The following FAT3 variants were observed in gnomAD, a reference collection of about 807,000 sequenced individuals.
FAT3 encodes protocadherin Fat 3.
In FAT3, 95 loss-of-function variants were observed where a neutral mutation model predicts 310.2. That is an observed-to-expected ratio of 0.31 (90% CI 0.26 to 0.36). The LOEUF (loss-of-function observed/expected upper bound fraction) is 0.36, where lower values mean the gene tolerates loss of function less well. Ranked by LOEUF, FAT3 falls within the 10% of genes least tolerant of loss-of-function variation. The pLI is 1.00. For missense variants in FAT3, 5,408 were observed against 5,715.6 expected (o/e 0.95, Z 1.74); for synonymous variants, 2,314 against 2,192.9 (o/e 1.06, Z -1.54).
intron 3 of FAT3, among the ~76,000 whole-genome samples, chr11:92,530,495 A>G (rs1289874613): frequency 1.3e-5 from 2 of 152,110 alleles, no homozygotes; most frequent in Non-Finnish European, 2.9e-5. Flanking sequence ...ATCCTTACTT[A>G]TACTTTCTCT....
intron 2 of FAT3, among the ~76,000 whole-genome samples, chr11:92,455,408 C>T (rs577904983): frequency 1.8e-4 from 27 of 152,092 alleles, no homozygotes; most frequent in Non-Finnish European, 3.2e-4. Context: ...CACTATTGTG[C>T]GGTGTCGGCT....
chr11:92,834,720 G>A (rs1948354246), intron 14 of FAT3, 150 bp from the exon 15 acceptor site: 1 of 681,218 alleles, frequency 1.5e-6, no homozygotes, highest in African/African-American at 1.8e-5. Context: ...TCAGACGTCT[G>A]TAATACTTTC....
intron 3 of FAT3, among the ~76,000 whole-genome samples, chr11:92,596,241 C>G (rs564447190): frequency 6.6e-6 from 1 of 152,248 alleles, no homozygotes; most frequent in East Asian, 1.9e-4. Context: ...TCTGACTACC[C>G]AGTCCCACTT....
At chr11:92,634,185 A>G (rs1210931945) in intron 3 of FAT3, among the ~76,000 whole-genome samples, 5 of 152,198 alleles carry the variant, frequency 3.3e-5, no homozygotes, top group African/African-American at 1.2e-4. Flanking sequence ...AACACAACAG[A>G]CAGGAACTAA....
At chr11:92,242,788 C>G (rs1864719376) in intron 1 of FAT3, among the ~76,000 whole-genome samples, 1 of 151,980 alleles carries the variant, frequency 6.6e-6, no homozygotes, top group Non-Finnish European at 1.5e-5. Flanking sequence ...GCTGGCACAT[C>G]CTGATATAGG....
chr11:92,390,540 G>C (rs1433145719), intron 2 of FAT3, among the ~76,000 whole-genome samples: 1 of 152,128 alleles, frequency 6.6e-6, no homozygotes, highest in Non-Finnish European at 1.5e-5. Flanking sequence ...GCTGCTAATG[G>C]ATTGACCACT....
intron 3 of FAT3, among the ~76,000 whole-genome samples, chr11:92,593,403 C>T (rs1172437560): frequency 6.6e-6 from 1 of 150,712 alleles, no homozygotes; most frequent in East Asian, 1.9e-4. Context: ...TTTTACATTC[C>T]TATCTGCAGT....
intron 3 of FAT3, among the ~76,000 whole-genome samples, chr11:92,560,488 C>T (rs986046788): frequency 5.6e-5 from 7 of 125,300 alleles, no homozygotes; most frequent in African/African-American, 1.6e-4. Context: ...TTTGCTTTTG[C>T]GTCTAACAGC....
intron 2 of FAT3, among the ~76,000 whole-genome samples, chr11:92,386,579 T>TG (rs1425532433): frequency 6.6e-6 from 1 of 152,250 alleles, no homozygotes; most frequent in East Asian, 1.9e-4. Flanking sequence ...TATTATTGCC[T>TG]GACACATCAT....
intron 1 of FAT3, among the ~76,000 whole-genome samples, chr11:92,306,267 T>C (rs1947112459): frequency 6.6e-6 from 1 of 151,470 alleles, no homozygotes; most frequent in Non-Finnish European, 1.5e-5. Context: ...TCTAGGTGAC[T>C]ATCTCCTCCC....
At chr11:92,307,233 A>C (rs1041679198) in intron 1 of FAT3, among the ~76,000 whole-genome samples, 2 of 137,338 alleles carry the variant, frequency 1.5e-5, no homozygotes, top group African/African-American at 5.6e-5. Flanking sequence ...AGGCAGTTCC[A>C]TACAAGATAA....
intron 2 of FAT3, among the ~76,000 whole-genome samples, chr11:92,402,510 T>G (rs1358556086): frequency 6.6e-6 from 1 of 151,938 alleles, no homozygotes; most frequent in African/African-American, 2.4e-5. Context: ...CAGGCAGATC[T>G]TTTGATCTCA....
chr11:92,627,868 A>G (rs1053809907), intron 3 of FAT3, among the ~76,000 whole-genome samples: 3 of 152,198 alleles, frequency 2.0e-5, no homozygotes, highest in African/African-American at 7.2e-5. Flanking sequence ...AGGAAAAGGT[A>G]CAATATGAAC....
chr11:92,705,809 G>A (rs1392898255), intron 4 of FAT3, among the ~76,000 whole-genome samples: 1 of 86,750 alleles, frequency 1.2e-5, no homozygotes, highest in Non-Finnish European at 2.5e-5. Flanking sequence ...GTTGGTGTTG[G>A]TGGTGGTGTG....
intron 19 of FAT3, among the ~76,000 whole-genome samples, chr11:92,852,934 G>A (rs1442286074): frequency 6.6e-6 from 1 of 152,236 alleles, no homozygotes; most frequent in Non-Finnish European, 1.5e-5. Flanking sequence ...GGGTAAGAAA[G>A]TGAGGAACCC....
chr11:92,513,983 T>C (rs1591387220), intron 2 of FAT3, among the ~76,000 whole-genome samples: 2 of 152,286 alleles, frequency 1.3e-5, no homozygotes, highest in East Asian at 1.9e-4. Context: ...GGCTAGAAAG[T>C]AGATAAGGTA....
At chr11:92,640,396 A>G (rs1048689996) in intron 3 of FAT3, among the ~76,000 whole-genome samples, 58 of 152,284 alleles carry the variant, frequency 3.8e-4, no homozygotes, top group African/African-American at 1.4e-3. Context: ...GAGGAACTCT[A>G]TGGATTTGTT....
chr11:92,829,523 A>C (rs1053757946), intron 13 of FAT3, among the ~76,000 whole-genome samples: 6 of 152,176 alleles, frequency 3.9e-5, no homozygotes, highest in Admixed American at 3.9e-4. Context: ...AGACAGGGCC[A>C]TTGTTTTCCA....
chr11:92,682,844 G>A (rs1467789706), intron 3 of FAT3, among the ~76,000 whole-genome samples: 1 of 152,070 alleles, frequency 6.6e-6, no homozygotes, highest in African/African-American at 2.4e-5. Flanking sequence ...TTGGGAAGCC[G>A]AGGTGGGCAG....
Sources: gnomAD v4.1 joint callset for allele counts (sites outside exome capture counted in the v4.1 genomes callset) on GRCh38, gnomAD v4.1.1 for gene constraint, MANE v1.5 for transcripts, NCBI Gene and HGNC (gene_info 2026-07-23, HGNC 2026-07-21) for gene names.